The following NBAS variants were observed in gnomAD, a reference collection of about 807,000 sequenced individuals.
NBAS encodes the protein NBAS subunit of NRZ tethering complex.
Under a neutral mutation model 302.5 loss-of-function variants are expected in NBAS, and 219 were observed. The observed-to-expected ratio is 0.72, with a 90% CI of 0.65 to 0.81. The LOEUF is 0.81. NBAS is among the 30% of genes least tolerant of loss of function. NBAS has a pLI of 0.00. For missense variants in NBAS, 2,932 were observed against 2,841.6 expected, an observed-to-expected ratio of 1.03 and a Z score of -0.72; for synonymous variants, 1,118 against 1,021.6, an observed-to-expected ratio of 1.09 and a Z score of -1.80.
the NBAS span, among the ~76,000 whole-genome samples, chr2:15,159,779 CCAGT>C: frequency 7.0e-6 from 1 of 141,914 alleles, no homozygotes; most frequent in Non-Finnish European, 1.5e-5. Flanking sequence ...GCATTTTTTA[CCAGT>C]CATACACACA....
chr2:15,180,322 T>C (rs985417346), intron 50 of NBAS: 2 of 152,218 alleles, frequency 1.3e-5, no homozygotes, highest in African/African-American at 4.8e-5. Flanking sequence ...CAAACCTGTG[T>C]GACAATGATC....
chr2:15,006,918 A>C, the NBAS span, among the ~76,000 whole-genome samples: 1 of 152,102 alleles, frequency 6.6e-6, no homozygotes, highest in African/African-American at 2.4e-5. Flanking sequence ...TCTGTTTCTG[A>C]CTTTCATTTG....
chr2:14,954,285 T>C, the NBAS span, among the ~76,000 whole-genome samples: 1 of 152,156 alleles, frequency 6.6e-6, no homozygotes, highest in Non-Finnish European at 1.5e-5. Context: ...TATGGGCGCA[T>C]GCATGAGTGT....
the NBAS span, among the ~76,000 whole-genome samples, chr2:15,017,453 A>T: frequency 6.6e-6 from 1 of 152,140 alleles, no homozygotes; most frequent in Non-Finnish European, 1.5e-5. Context: ...CATGGAACTC[A>T]AATATCTCAA....
At chr2:14,967,736 G>A in the NBAS span, among the ~76,000 whole-genome samples, 1 of 152,114 alleles carries the variant, frequency 6.6e-6, no homozygotes, top group Non-Finnish European at 1.5e-5. Flanking sequence ...CAAAACTTTT[G>A]TACTATAAGC....
the NBAS span, among the ~76,000 whole-genome samples, chr2:14,817,678 T>C: frequency 2.0e-4 from 30 of 152,310 alleles, no homozygotes; most frequent in African/African-American, 6.5e-4. Flanking sequence ...AATATACCTA[T>C]AAATATATTC....
chr2:14,822,992 C>T, the NBAS span, among the ~76,000 whole-genome samples: 2 of 152,160 alleles, frequency 1.3e-5, no homozygotes, highest in South Asian at 2.1e-4. Flanking sequence ...GGGTTTGAAC[C>T]CAAAGTCTGG....
intron 34 of NBAS, among the ~76,000 whole-genome samples, chr2:15,352,685 T>C (rs569864052): frequency 1.3e-5 from 2 of 152,242 alleles, no homozygotes; most frequent in South Asian, 2.1e-4. Context: ...GTCGTATGCA[T>C]GTTCAGCTGC....
the NBAS span, among the ~76,000 whole-genome samples, chr2:14,842,042 A>G: frequency 6.6e-6 from 1 of 151,836 alleles, no homozygotes. Context: ...GCAACCTCAG[A>G]AACTTTAGTA....
At chr2:14,807,168 T>C in the NBAS span, among the ~76,000 whole-genome samples, 68 of 152,312 alleles carry the variant, frequency 4.5e-4, 1 homozygote, top group East Asian at 4.0e-3. Context: ...CCTACTACTT[T>C]CATGAGTTCA....
At chr2:15,357,805 T>A (rs112654354) in intron 32 of NBAS, among the ~76,000 whole-genome samples, 3 of 152,304 alleles carry the variant, frequency 2.0e-5, no homozygotes, top group African/African-American at 7.2e-5. Context: ...AGGAATGGGA[T>A]ATGGCTCCCC....
intron 13 of NBAS, among the ~76,000 whole-genome samples, chr2:15,477,848 AC>A (rs753348333): frequency 6.6e-6 from 1 of 152,326 alleles, no homozygotes; most frequent in East Asian, 1.9e-4. Context: ...TTTCTTTAAA[AC>A]GTGGAAATGT....
chr2:15,117,976 C>A, the NBAS span, among the ~76,000 whole-genome samples: 4 of 152,228 alleles, frequency 2.6e-5, no homozygotes, highest in Admixed American at 2.6e-4. Flanking sequence ...ACCTGGGCTG[C>A]AAGGAGGAAA....
intron 30 of NBAS, among the ~76,000 whole-genome samples, chr2:15,376,465 G>T (rs1279529961): frequency 6.6e-6 from 1 of 152,108 alleles, no homozygotes; most frequent in Non-Finnish European, 1.5e-5. Context: ...AGACTATTTG[G>T]TATTTTCATC....
the NBAS span, among the ~76,000 whole-genome samples, chr2:15,022,237 G>C: frequency 0.011 from 1,698 of 152,270 alleles, 34 homozygotes; most frequent in African/African-American, 0.039. Flanking sequence ...AGGATTCGAT[G>C]AACTAATTTT....
chr2:15,367,684 T>C (rs986881319), intron 31 of NBAS, among the ~76,000 whole-genome samples: 2 of 152,188 alleles, frequency 1.3e-5, no homozygotes, highest in Non-Finnish European at 2.9e-5. Flanking sequence ...CTGTTCTCCA[T>C]ATATCTTGTG....
intron 21 of NBAS, among the ~76,000 whole-genome samples, chr2:15,437,691 CT>C (rs1262870114): frequency 6.6e-6 from 1 of 152,228 alleles, no homozygotes; most frequent in Non-Finnish European, 1.5e-5. Flanking sequence ...GTTCTTATGA[CT>C]GTCAATATAG....
rs1173626442 is a variant in NBAS at position 15,511,412 on chromosome 2, G to C, written c.747-62C>G. The C allele has an allele frequency of 4.7e-6, 7 of 1,493,252 alleles. No homozygotes were observed. The African/African-American group carries it at 8.3e-5, about 18-fold the overall frequency. The allele number at this position is 1,493,252 out of a possible 1,614,324, so 92.5% of individuals were successfully genotyped here. ...CAAATATAAATAAGAGCAAAACAAA[G>C]AGAGCAGAAACAGTCACCTTGAGAA... On this transcript the variant is annotated intron_variant, in intron 9 of 51. Transcript: ENST00000281513.
chr2:15,386,205 AAGAGACAGTC>A (rs1169574340), intron 28 of NBAS, among the ~76,000 whole-genome samples: 1 of 152,210 alleles, frequency 6.6e-6, no homozygotes, highest in African/African-American at 2.4e-5. Context: ...GTATAGCTGC[AAGAGACAGTC>A]AGAGAGGTAG....
Sources: allele counts gnomAD v4.1 joint callset (sites outside exome capture counted in the v4.1 genomes callset), GRCh38; gene constraint gnomAD v4.1.1; transcripts MANE v1.5; gene names NCBI Gene and HGNC (gene_info 2026-07-23, HGNC 2026-07-21).